DDX31: variants seen among roughly 807,000 people sequenced by gnomAD.
DDX31 encodes DEAD-box helicase 31.
DDX31 carries 70 observed loss-of-function variants against 91.3 expected under a neutral mutation model. The observed-to-expected ratio is 0.77, with a 90% CI of 0.63 to 0.94. DDX31 has a LOEUF of 0.94. DDX31 is among the 40% of genes least tolerant of loss of function. The pLI is 0.00. For synonymous variants in DDX31, 362 were observed against 350.6 expected (o/e 1.03, Z -0.36); for missense variants, 902 against 925.0 (o/e 0.98, Z 0.32).
At chr9:132,631,860 G>A (rs1405031054) in intron 15 of DDX31, among the ~76,000 whole-genome samples, 181 bp downstream of exon 15, 1 of 152,316 alleles carries the variant, frequency 6.6e-6, no homozygotes, top group Non-Finnish European at 1.5e-5. Flanking sequence ...TGCTGCAGTG[G>A]TGAGGTGGGC....
intron 1 of DDX31, among the ~76,000 whole-genome samples, chr9:132,665,184 A>T (rs1008728522): frequency 4.6e-5 from 7 of 152,258 alleles, no homozygotes; most frequent in Non-Finnish European, 1.0e-4. Context: ...TGTCTGGCAG[A>T]GTAAGCACTC....
chr9:132,594,912 G>C lies in DDX31; in HGVS notation c.2195C>G (p.Thr732Ser). ...GCTGTCCCGCTGTACACCTTTTTGG[G>C]TTTTTCTCCATTTTAATGTTTTCCC... Reference protein sequence around the residue: ...GRGKTLKWRKTQKGVQRDSKT... With the variant: ...GRGKTLKWRKSQKGVQRDSKT... The change falls in exon 20 of 20, where the codon ACC (threonine) becomes AGC (serine). Residue 732 changes from threonine to serine, a missense_variant. Physicochemically the swap from Thr to Ser is moderately conservative, Grantham distance 58. Transcript: ENST00000372159. The C allele has an allele frequency of 6.2e-7, 1 of 1,614,056 alleles. No individual in the cohort carries two copies. Among genetic ancestry groups the C allele is most frequent in the African/African-American group, 1.3e-5 (1 of 75,030 alleles).
intron 19 of DDX31, among the ~76,000 whole-genome samples, chr9:132,601,028 G>A (rs1354255113): frequency 1.3e-5 from 2 of 152,228 alleles, no homozygotes. Context: ...CATGGCAGCA[G>A]TGAGTTGTGC....
At chr9:132,647,148 T>C in intron 11 of DDX31, 90 bp from the exon 12 acceptor site, 1 of 1,191,718 alleles carries the variant, frequency 8.4e-7, no homozygotes. Flanking sequence ...CCCACCCATG[T>C]ATGTTAGGAC....
intron 14 of DDX31, among the ~76,000 whole-genome samples, chr9:132,640,890 G>C (rs1433788390): frequency 6.6e-6 from 1 of 152,150 alleles, no homozygotes; most frequent in Non-Finnish European, 1.5e-5. Flanking sequence ...GAACAAGCTC[G>C]AGCATCTGAC....
At chr9:132,663,397 T>A in intron 1 of DDX31, 1 of 985,328 alleles carries the variant, frequency 1.0e-6, no homozygotes, top group Non-Finnish European at 1.2e-6. Flanking sequence ...AGTCTCTGAG[T>A]CCCCGAGTCT....
At chr9:132,667,738 C>G (rs150517157) in intron 1 of DDX31, among the ~76,000 whole-genome samples, 306 of 152,244 alleles carry the variant, frequency 2.0e-3, no homozygotes, top group African/African-American at 6.7e-3. Context: ...CTCAATGCTT[C>G]TTATGTGTTA....
intron 19 of DDX31, among the ~76,000 whole-genome samples, chr9:132,603,960 C>T (rs1338407263): frequency 6.6e-6 from 1 of 151,940 alleles, no homozygotes; most frequent in African/African-American, 2.4e-5. Context: ...CATGGTGTCA[C>T]ATAGAAAAAA....
Position 132,618,152 on chromosome 9 carries a change from T to C in DDX31, c.1825+178A>G, listed in dbSNP as rs547753260. Among the ~76,000 whole-genome samples the C allele has an allele frequency of 2.6e-5, 4 of 152,352 alleles. No homozygotes were observed. The East Asian group carries it at 7.7e-4, about 29-fold the overall frequency. On this transcript the variant is annotated intron_variant, in intron 18 of 19. Coordinates refer to ENST00000372159, the MANE Select transcript of DDX31 (RefSeq NM_022779.9). The stretch of plus-strand genomic sequence containing the variant: ...GGATGAAATTAACATTTAATATCAC[T>C]TTAAAGCCTTCCGTGCCTGCTTCCA...
intron 14 of DDX31, among the ~76,000 whole-genome samples, chr9:132,637,394 G>A (rs1471980878): frequency 6.6e-6 from 1 of 152,274 alleles, no homozygotes; most frequent in African/African-American, 2.4e-5. Flanking sequence ...CCCTGGGCCT[G>A]ACAATTGGCT....
chr9:132,642,535 A>G (rs1324484468), intron 13 of DDX31, among the ~76,000 whole-genome samples: 1 of 152,138 alleles, frequency 6.6e-6, no homozygotes, highest in African/African-American at 2.4e-5. Context: ...ACATTAGAGG[A>G]AGAAAATATA....
intron 6 of DDX31, among the ~76,000 whole-genome samples, chr9:132,655,422 CA>C (rs1834499014): frequency 6.6e-6 from 1 of 152,060 alleles, no homozygotes; most frequent in Non-Finnish European, 1.5e-5. Context: ...TCAAACCAAG[CA>C]AAACAGAAAA....
At chr9:132,637,548 G>A (rs1833193423) in intron 14 of DDX31, among the ~76,000 whole-genome samples, 1 of 152,322 alleles carries the variant, frequency 6.6e-6, no homozygotes, top group South Asian at 2.1e-4. Context: ...CCGTCTCTCT[G>A]AGAAGGGACG....
intron 13 of DDX31, among the ~76,000 whole-genome samples, chr9:132,643,268 G>C (rs1390873804): frequency 2.6e-5 from 4 of 152,208 alleles, no homozygotes; most frequent in Admixed American, 2.6e-4. Flanking sequence ...CTTTCAGTAT[G>C]AGCCTGAAAC....
chr9:132,616,373 T>A (rs1831627701), intron 18 of DDX31, among the ~76,000 whole-genome samples: 1 of 152,184 alleles, frequency 6.6e-6, no homozygotes, highest in African/African-American at 2.4e-5. Flanking sequence ...TATTAACAAG[T>A]TCAATGGTAA....
At chr9:132,643,086 A>G (rs1168715512) in intron 13 of DDX31, among the ~76,000 whole-genome samples, 1 of 152,164 alleles carries the variant, frequency 6.6e-6, no homozygotes, top group Admixed American at 6.5e-5. Flanking sequence ...AGCCTCCCAA[A>G]GTGCTAGGAT....
At chr9:132,634,334 G>C (rs1832968480) in intron 14 of DDX31, among the ~76,000 whole-genome samples, 1 of 152,030 alleles carries the variant, frequency 6.6e-6, no homozygotes, top group African/African-American at 2.4e-5. Flanking sequence ...ACCAGTCTTT[G>C]GCCCATCTGT....
intron 17 of DDX31, among the ~76,000 whole-genome samples, chr9:132,624,500 T>C (rs1832269620): frequency 6.6e-6 from 1 of 152,224 alleles, no homozygotes; most frequent in Non-Finnish European, 1.5e-5. Flanking sequence ...CTTGGTTTAG[T>C]TAATACTAAT....
chr9:132,614,590 A>C (rs1831527226), intron 18 of DDX31, among the ~76,000 whole-genome samples: 1 of 152,154 alleles, frequency 6.6e-6, no homozygotes, highest in East Asian at 1.9e-4. Flanking sequence ...ATCCCGCTCT[A>C]GGTCTCTTCA....
Sources: allele counts gnomAD v4.1 joint callset (sites outside exome capture counted in the v4.1 genomes callset), GRCh38; gene constraint gnomAD v4.1.1; transcripts MANE v1.5; gene names NCBI Gene and HGNC (gene_info 2026-07-23, HGNC 2026-07-21).